The following DDX52 variants were observed in gnomAD, a reference collection of about 807,000 sequenced individuals.
DDX52 encodes the protein DExD-box helicase 52, also known as probable ATP-dependent RNA helicase DDX52.
In DDX52, 59 loss-of-function variants were observed where a neutral mutation model predicts 76.1. The observed-to-expected ratio is 0.78, with a 90% CI of 0.63 to 0.96. The LOEUF (loss-of-function observed/expected upper bound fraction) is 0.96. Among genes scored for constraint, DDX52 ranks in the 40% least tolerant of loss-of-function variants. The pLI, the probability that DDX52 is intolerant of heterozygous loss-of-function variation, is 0.00. For missense variants in DDX52, 707 were observed against 703.9 expected (o/e 1.00, Z -0.05); for synonymous variants, 231 against 244.1 (o/e 0.95, Z 0.50).
rs888830279 is a variant in DDX52, at chr17:37,628,461, A to G, written c.859+100T>C. 7 of 991,168 alleles carry G rather than the reference A, an allele frequency of 7.1e-6. No homozygotes were observed. The African/African-American group carries it at 1.1e-4, about 16-fold the overall frequency. 61.4% of individuals were successfully genotyped at this position (991,168 alleles called of 1,614,324 possible). ...CTTCTAAAATTCAAATTTTATACATACATGACTATACTTTAACAACACTTA... is the reference window on the plus strand; with the variant it reads ...CTTCTAAAATTCAAATTTTATACATGCATGACTATACTTTAACAACACTTA... On this transcript the variant is annotated intron_variant, in intron 6 of 14. Coordinates refer to ENST00000617633, the MANE Select transcript of DDX52 (RefSeq NM_007010.5).
intron 5 of DDX52, 145 bp downstream of exon 5, chr17:37,629,885 T>A: frequency 1.0e-6 from 1 of 1,002,078 alleles, no homozygotes; most frequent in South Asian, 2.6e-5. Context: ...TGGAGTAAGA[T>A]CCGGAGCACT....
At chr17:37,615,690 C>CA (rs1213235808) in intron 14 of DDX52, among the ~76,000 whole-genome samples, 1 of 151,842 alleles carries the variant, frequency 6.6e-6, no homozygotes, top group Non-Finnish European at 1.5e-5. Context: ...AAAAAACAAA[C>CA]AAAAAACCCC....
chr17:37,635,045 C>T (rs2030864474), intron 2 of DDX52, among the ~76,000 whole-genome samples: 1 of 151,970 alleles, frequency 6.6e-6, no homozygotes. Context: ...GTGATCCGCC[C>T]GCCTCAGCCT....
At chr17:37,616,479 C>G (rs779740220) in intron 14 of DDX52, among the ~76,000 whole-genome samples, 8 of 151,834 alleles carry the variant, frequency 5.3e-5, no homozygotes, top group Non-Finnish European at 8.8e-5. Flanking sequence ...ATGGTGAAAC[C>G]CCATCTCTAG....
At chr17:37,625,857 A>T (rs2030338178) in intron 8 of DDX52, 38 bp downstream of exon 8, 14 of 1,610,572 alleles carry the variant, frequency 8.7e-6, no homozygotes, top group Non-Finnish European at 1.2e-5. Flanking sequence ...TATTTAAAAA[A>T]AAAATCAGTG....
chr17:37,640,163 T>C (rs1037366813), intron 2 of DDX52, among the ~76,000 whole-genome samples: 6 of 152,238 alleles, frequency 3.9e-5, no homozygotes, highest in African/African-American at 1.4e-4. Context: ...GGGACAGATA[T>C]ACTCACATAT....
Position 37,618,395 on chromosome 17 carries a change from CA to C in DDX52, c.1650-12del, listed in dbSNP as rs755579123. 66 of 1,567,526 alleles carry C rather than the reference CA, an allele frequency of 4.2e-5. No individual in the cohort carries two copies. The East Asian group carries it at 1.5e-3, about 36-fold the overall frequency. On this transcript the variant is annotated splice_polypyrimidine_tract_variant and intron_variant, in intron 13 of 14. Transcript: ENST00000617633. ...TTTTTCTTTTGTTTGCTGAAAGTTA[CA>C]AAGTAAAAAAGGAAAAGAATTAAGT...
intron 2 of DDX52, among the ~76,000 whole-genome samples, chr17:37,633,638 A>C (rs548738196): frequency 6.1e-4 from 93 of 151,314 alleles, no homozygotes; most frequent in Middle Eastern, 3.4e-3. Context: ...CCTGGGTAAC[A>C]GAGAAAAACC....
intron 9 of DDX52, among the ~76,000 whole-genome samples, chr17:37,623,538 G>T (rs972195261): frequency 6.6e-6 from 1 of 152,122 alleles, no homozygotes; most frequent in Non-Finnish European, 1.5e-5. Flanking sequence ...CCTTAGACAG[G>T]TAACTGCTTC....
In DDX52 at chr17:37,633,334, T is replaced by C. The variant is rs756163431; in HGVS notation, c.371A>G (p.Glu124Gly). 6.2e-7 allele frequency: 1 copy of C among 1,612,174 alleles called. No individual in the cohort carries two copies. The highest frequency in any genetic ancestry group is 1.7e-5 in the Admixed American group (1 of 59,926). The stretch of plus-strand genomic sequence containing the variant: ...CAACTTTCCGGAAGTTAGTTTACTT[T>C]CTCTCTGAACTTTTTTGTCTTCAAT... ...AKIEDKKVQR[E>G]SKLTSGKLEN... The change falls in exon 3 of 15, where the codon GAA (glutamate) becomes GGA (glycine). Residue 124 changes from glutamate (E) to glycine (G), a missense_variant. Transcript: ENST00000617633.
intron 1 of DDX52, 35 bp from the exon 2 acceptor site, chr17:37,642,343 A>G: frequency 6.3e-7 from 1 of 1,581,554 alleles, no homozygotes; most frequent in East Asian, 2.3e-5. Flanking sequence ...AAACCTACTG[A>G]CAGAATACCA....
At chr17:37,626,501 C>A (rs1490192285) in intron 7 of DDX52, among the ~76,000 whole-genome samples, 1 of 152,152 alleles carries the variant, frequency 6.6e-6, no homozygotes, top group Admixed American at 6.5e-5. Flanking sequence ...TATAAATTAC[C>A]CAGTCTCAGG....
chr17:37,618,341 T>A lies in DDX52; in HGVS notation c.1693A>T (p.Ser565Cys). 1 of 1,595,456 alleles carries A rather than the reference T, an allele frequency of 6.3e-7. No individual in the cohort carries two copies. Among genetic ancestry groups the A allele is most frequent in the Non-Finnish European group, 8.5e-7 (1 of 1,174,628 alleles). The stretch of plus-strand genomic sequence containing the variant: ...AAACATTTTGGAGTTGTACTAATGC[T>A]CTCCCTTTCCAATGGTTTCTTAATC... ...KMIKKPLERESISTTPKCFLE... is the reference protein window; with the variant it reads ...KMIKKPLERECISTTPKCFLE... The change falls in exon 14 of 15, where the codon AGC becomes TGC. Residue 565 changes from serine (S) to cysteine (C), a missense_variant. Physicochemically the swap from Ser to Cys is moderately radical, Grantham distance 112 (BLOSUM62 -1). Transcript: ENST00000617633.
At chr17:37,638,437 A>G (rs1196295660) in intron 2 of DDX52, among the ~76,000 whole-genome samples, 2 of 152,256 alleles carry the variant, frequency 1.3e-5, no homozygotes, top group African/African-American at 4.8e-5. Context: ...AAAACAAGCT[A>G]GTATTGGTGT....
intron 2 of DDX52, among the ~76,000 whole-genome samples, chr17:37,638,411 T>C (rs1225414593): frequency 1.3e-5 from 2 of 152,228 alleles, no homozygotes; most frequent in Non-Finnish European, 2.9e-5. Context: ...TTATAACATA[T>C]AAGGCCATAG....
In DDX52 at chr17:37,613,828, T is replaced by G. The variant is rs1435570483; in HGVS notation, c.*468A>C. 1 of 153,082 alleles carries G rather than the reference T, an allele frequency of 6.5e-6. No individual in the cohort carries two copies. The highest frequency in any genetic ancestry group is 1.5e-5 in the Non-Finnish European group (1 of 68,350). 9.5% of individuals were successfully genotyped at this position (153,082 alleles called of 1,614,324 possible). A position where few individuals can be genotyped will look rare whatever the true frequency, so the allele number is the denominator to read the frequency against. ...CATTCATCACACCTTCCTTCACACT[T>G]GAAGGGAAAAGTCCTTAAGAGTTCA... On this transcript the variant is annotated 3_prime_UTR_variant, in exon 15 of 15. Coordinates refer to ENST00000617633, the MANE Select transcript of DDX52 (RefSeq NM_007010.5).
chr17:37,631,654 A>G (rs1025386665), intron 4 of DDX52: 4 of 159,656 alleles, frequency 2.5e-5, no homozygotes, highest in Admixed American at 1.2e-4. Context: ...ATTCGGAAAA[A>G]TAAGTCAGTT....
intron 2 of DDX52, among the ~76,000 whole-genome samples, chr17:37,636,955 TG>T (rs1166882389): frequency 1.3e-5 from 2 of 152,202 alleles, no homozygotes; most frequent in African/African-American, 2.4e-5. Context: ...ATATATGGTT[TG>T]GCTTACACCA....
chr17:37,619,933 CT>C, intron 12 of DDX52, 94 bp from the exon 13 acceptor site: 1 of 1,199,732 alleles, frequency 8.3e-7, no homozygotes. Context: ...GGAACTAAAA[CT>C]ACACAAAGTA....
Sources: gnomAD v4.1 joint callset for allele counts (sites outside exome capture counted in the v4.1 genomes callset) on GRCh38, gnomAD v4.1.1 for gene constraint, MANE v1.5 for transcripts, NCBI Gene and HGNC (gene_info 2026-07-23, HGNC 2026-07-21) for gene names.